The following EVC2 variants were observed in gnomAD, a reference collection of about 807,000 sequenced individuals.
The protein encoded by EVC2 is EvC ciliary complex subunit 2, also known as limbin.
In EVC2, 148 loss-of-function variants were observed where a neutral mutation model predicts 149.3. That is an observed-to-expected ratio of 0.99 (90% CI 0.87 to 1.14). The LOEUF is 1.14. Ranked by LOEUF, EVC2 falls within the 50% of genes most tolerant of loss-of-function variation. The pLI is 0.00. For missense variants in EVC2, 1,854 were observed against 1,627.3 expected (o/e 1.14, Z -2.40); for synonymous variants, 776 against 649.9 (o/e 1.19, Z -2.95).
rs1254001064 is a variant in EVC2, at chr4:5,640,505, C to A, written c.1470+9G>T. ...GGAAGTGAACGCCTTCCTTTCAGAC[C>A]TGTCTTACCCTCTCACCAGCACGTT... On this transcript the variant is annotated intron_variant, in intron 10 of 21. Transcript: ENST00000344408. This position sits in a 1 kb window ranked among gnomAD's most constrained non-coding sequence, Gnocchi z 4.6. 6.2e-7 allele frequency: 1 copy of A among 1,614,012 alleles called. No homozygotes were observed.
intron 12 of EVC2, among the ~76,000 whole-genome samples, chr4:5,626,458 G>T (rs377117741): frequency 6.6e-6 from 1 of 151,046 alleles, no homozygotes; most frequent in Non-Finnish European, 1.5e-5. Flanking sequence ...CTCAGCCTCC[G>T]GAGTAGTTGG....
intron 20 of EVC2, among the ~76,000 whole-genome samples, chr4:5,566,791 G>A (rs1722316110): frequency 6.6e-6 from 1 of 152,038 alleles, no homozygotes; most frequent in African/African-American, 2.4e-5. Flanking sequence ...GCTGGCTGAA[G>A]GGGAAGCACC....
rs180723078 is a variant in EVC2 at position 5,633,610 on chromosome 4, G to A, written c.1471-1578C>T. On this transcript the variant is annotated intron_variant, in intron 10 of 21. Transcript: ENST00000344408. This position sits in a 1 kb window ranked among gnomAD's most constrained non-coding sequence, Gnocchi z 4.4. Reference sequence around the variant, plus strand: ...GGCAGGGAAAGGCTTACGCGTGCAGGATGCGTGGGTACAGCCATCCCAAAT... The same window carrying A: ...GGCAGGGAAAGGCTTACGCGTGCAGAATGCGTGGGTACAGCCATCCCAAAT... 2.4e-4 allele frequency among the ~76,000 whole-genome samples: 37 copies of A among 152,346 alleles called. No individual in the cohort carries two copies. The South Asian group carries it at 6.8e-3, about 28-fold the overall frequency.
At chr4:5,566,144 G>A (rs1256327139) in intron 20 of EVC2, among the ~76,000 whole-genome samples, 2 of 152,244 alleles carry the variant, frequency 1.3e-5, no homozygotes, top group African/African-American at 4.8e-5. Context: ...CCTGGAAGGT[G>A]GGCTAGGCAG....
At chr4:5,697,452 G>GTCAGGGAATGA in intron 2 of EVC2, 141 bp downstream of exon 2, 2 of 823,638 alleles carry the variant, frequency 2.4e-6, no homozygotes, top group Middle Eastern at 4.5e-4. Context: ...GTTCTGTAAG[G>GTCAGGGAATGA]TCAGGGAATG....
rs1160540082 is a variant in EVC2 at position 5,622,804 on chromosome 4, T to G, written c.2234A>C (p.Glu745Ala). The change falls in exon 14 of 22, where the codon GAA (glutamate) becomes GCA (alanine). Residue 745 changes from glutamate to alanine, a missense_variant. Glu to Ala is a moderately radical substitution (Grantham distance 107). Coordinates refer to ENST00000344408, the MANE Select transcript of EVC2 (RefSeq NM_147127.5). This position sits in a 1 kb window ranked among gnomAD's most constrained non-coding sequence, Gnocchi z 5.8. ...GCGCCGCAGCTCGTCGGTGGCCTTT[T>G]CAAACAGCGAAAGGGTCAGGGTCCT... ...DLRTLTLSLFEKATDELRRLQ... is the reference protein window; with the variant it reads ...DLRTLTLSLFAKATDELRRLQ... 6.2e-7 allele frequency: 1 copy of G among 1,613,900 alleles called. No homozygotes were observed. Among genetic ancestry groups the G allele is most frequent in the African/African-American group, 1.3e-5 (1 of 74,846 alleles).
intron 10 of EVC2, among the ~76,000 whole-genome samples, chr4:5,634,254 A>C (rs559375008): frequency 6.6e-6 from 1 of 152,358 alleles, no homozygotes; most frequent in South Asian, 2.1e-4. Flanking sequence ...TTACAGAGAA[A>C]TGGTATTCAC....
At position 5,637,639 on chromosome 4, in the gene EVC2, AAAAATAAAT is replaced by A. The variant is rs1716974928; in HGVS notation, c.1470+2866_1470+2874del. ...ACAAACTGCATAATCCTTACTTTATAAAAATAAATGGATAAAGCAAAAGGCTAAAATGTA... is the reference window on the plus strand; with the variant it reads ...ACAAACTGCATAATCCTTACTTTATAGGATAAAGCAAAAGGCTAAAATGTA... On this transcript the variant is annotated intron_variant, in intron 10 of 21. Transcript: ENST00000344408. This position sits in a 1 kb window ranked among gnomAD's most constrained non-coding sequence, Gnocchi z 4.4. Among the ~76,000 whole-genome samples the A allele has an allele frequency of 6.6e-6, 1 of 152,234 alleles. No individual in the cohort carries two copies. The highest frequency in any genetic ancestry group is 6.5e-5 in the Admixed American group (1 of 15,286).
intron 9 of EVC2, among the ~76,000 whole-genome samples, chr4:5,655,126 C>T (rs572329708): frequency 5.3e-4 from 80 of 152,284 alleles, no homozygotes; most frequent in African/African-American, 1.9e-3. Flanking sequence ...GCCGTGGGAA[C>T]CCAGCAGGCA....
At chr4:5,555,243 G>A (rs1721818435) in intron 21 of EVC2, among the ~76,000 whole-genome samples, 3 of 143,960 alleles carry the variant, frequency 2.1e-5, no homozygotes, top group Admixed American at 7.1e-5. Context: ...GGGAAGGGAG[G>A]GAAACAAGCA....
chr4:5,649,070 A>C (rs755178261), intron 9 of EVC2, among the ~76,000 whole-genome samples: 1 of 152,202 alleles, frequency 6.6e-6, no homozygotes, highest in Non-Finnish European at 1.5e-5. Context: ...CATTCCCCTG[A>C]AAGTCCCTAA....
chr4:5,660,662 G>A (rs1560204338), intron 9 of EVC2, among the ~76,000 whole-genome samples: 1 of 152,172 alleles, frequency 6.6e-6, no homozygotes, highest in Non-Finnish European at 1.5e-5. Context: ...GGGCTCACAG[G>A]CAGCTATCAC....
In EVC2 at chr4:5,600,449, A is replaced by C. The variant is rs938134519; in HGVS notation, c.2829+14973T>G. On this transcript the variant is annotated intron_variant, in intron 16 of 21. Transcript: ENST00000344408. ...TTTCTAATGATAAAGTACATGCACA[A>C]TATAAAAAAAATCTTTACAGTGGAG... Among the ~76,000 whole-genome samples the C allele has an allele frequency of 2.6e-5, 4 of 152,196 alleles. No individual in the cohort carries two copies. In the East Asian group the frequency reaches 7.7e-4, roughly 29 times the overall value.
rs879806038 is a variant in EVC2, at chr4:5,708,289, C to A, written c.225G>T (p.Thr75=). 1.4e-6 allele frequency: 2 copies of A among 1,477,608 alleles called. No homozygotes were observed. Among genetic ancestry groups the A allele is most frequent in the East Asian group, 5.6e-5 (2 of 35,506 alleles). The allele number at this position is 1,477,608 out of a possible 1,614,324, so 91.5% of individuals were successfully genotyped here. A position where few individuals can be genotyped will look rare whatever the true frequency, so the allele number is the denominator to read the frequency against. ...GRSGAGPESS[T]QDLPCMIWPK... ...CCTGGGGTCGGGCCCTCCTTACCTG[C>A]GTGCTGCTCTCGGGCCCCGCCCCGC... is the stretch of plus-strand genomic sequence containing the variant. Residue 75 remains threonine, a synonymous_variant, in exon 1 of 22, where the codon ACG becomes ACT. Coordinates refer to ENST00000344408, the MANE Select transcript of EVC2 (RefSeq NM_147127.5).
At chr4:5,674,085 T>C (rs1719841370) in intron 7 of EVC2, among the ~76,000 whole-genome samples, 1 of 152,050 alleles carries the variant, frequency 6.6e-6, no homozygotes, top group Non-Finnish European at 1.5e-5. Context: ...TGAAATCTTT[T>C]ACTTTGAGCT....
At chr4:5,704,270 T>C (rs892514943) in intron 1 of EVC2, among the ~76,000 whole-genome samples, 6 of 152,178 alleles carry the variant, frequency 3.9e-5, no homozygotes, top group East Asian at 1.9e-4. Context: ...ACTGTGTTGA[T>C]TGTGGGTGTG....
chr4:5,708,184 C>A, intron 1 of EVC2, 102 bp downstream of exon 1: 1 of 1,065,966 alleles, frequency 9.4e-7, no homozygotes, highest in Non-Finnish European at 1.3e-6. Flanking sequence ...CCCTCCCTTC[C>A]TCATTCTTTG....
intron 3 of EVC2, 148 bp downstream of exon 3, chr4:5,694,187 T>A: frequency 1.3e-6 from 1 of 780,162 alleles, no homozygotes; most frequent in South Asian, 1.7e-5. Flanking sequence ...ATAAATGGAT[T>A]TGCTACCCAG....
At chr4:5,638,784 A>C (rs1717087913) in intron 10 of EVC2, among the ~76,000 whole-genome samples, 1 of 152,180 alleles carries the variant, frequency 6.6e-6, no homozygotes, top group Non-Finnish European at 1.5e-5. Flanking sequence ...ACCAGGGAAA[A>C]GGCCACAGGA....
Sources: gnomAD v4.1 joint callset for allele counts (sites outside exome capture counted in the v4.1 genomes callset) on GRCh38, gnomAD v4.1.1 for gene constraint, Gnocchi (gnomAD v3.1) non-coding constraint, MANE v1.5 for transcripts, NCBI Gene and HGNC (gene_info 2026-07-23, HGNC 2026-07-21) for gene names.